Variants in MGAT4A observed in about 807,000 individuals in gnomAD.
MGAT4A encodes alpha-1,3-mannosyl-glycoprotein 4-beta-N-acetylglucosaminyltransferase A.
A neutral mutation model predicts 74.1 loss-of-function variants in MGAT4A; 33 were observed. The ratio of observed to expected loss-of-function variants is 0.45; its 90% confidence interval spans 0.34 to 0.60. The LOEUF (loss-of-function observed/expected upper bound fraction) is 0.60, where lower values mean the gene tolerates loss of function less well. MGAT4A is among the 20% of genes least tolerant of loss of function. The probability of loss-of-function intolerance (pLI) is 0.02; values close to 1 mark genes in which losing one functional copy is unlikely to be tolerated. For missense variants in MGAT4A, 479 were observed against 628.3 expected (o/e 0.76, Z 2.54); for synonymous variants, 198 against 210.4 (o/e 0.94, Z 0.51).
At position 98,642,631 on chromosome 2, in the gene MGAT4A, G is replaced by A. The variant is rs377361761; in HGVS notation, c.1020+1292C>T. Among the ~76,000 whole-genome samples, 96 of 152,304 alleles carry A rather than the reference G, an allele frequency of 6.3e-4. 2 individuals carry two copies. Among genetic ancestry groups the A allele is most frequent in the African/African-American group, 1.9e-3 (78 of 41,578 alleles). On this transcript the variant is annotated intron_variant, in intron 10 of 15. Coordinates refer to ENST00000393487, the MANE Select transcript of MGAT4A (RefSeq NM_012214.3). The stretch of plus-strand genomic sequence containing the variant: ...ATTGCACAGGACGAATGGAATGCAA[G>A]TGTATTGTAGGAGGTTAAAGATGAC...
chr2:98,625,769 C>T lies in MGAT4A; in HGVS notation c.1535G>A (p.Arg512Gln), dbSNP rs146487281. ...DPSLNPISAFRLSVIQNSAVW... is the reference protein window; with the variant it reads ...DPSLNPISAFQLSVIQNSAVW... Reference sequence around the variant, plus strand: ...AGCAGAATTCTGAATAACTGAAAGTCGAAAGGCTGAAATGGGATTGAGACT... The same window carrying T: ...AGCAGAATTCTGAATAACTGAAAGTTGAAAGGCTGAAATGGGATTGAGACT... Residue 512 changes from arginine (R) to glutamine (Q), a missense_variant, in exon 15 of 16, where the codon CGA becomes CAA. Coordinates refer to ENST00000393487, the MANE Select transcript of MGAT4A (RefSeq NM_012214.3). 72 of 1,611,734 alleles carry T rather than the reference C, an allele frequency of 4.5e-5. No individual in the cohort carries two copies. The highest frequency in any genetic ancestry group is 5.9e-5 in the Non-Finnish European group (69 of 1,178,452).
At chr2:98,672,465 A>G (rs1189762612) in intron 4 of MGAT4A, among the ~76,000 whole-genome samples, 1 of 152,190 alleles carries the variant, frequency 6.6e-6, no homozygotes, top group African/African-American at 2.4e-5. Flanking sequence ...TCTACGAAGC[A>G]GTTGTGCCGT....
intron 14 of MGAT4A, 25 bp from the exon 15 acceptor site, chr2:98,625,860 T>C (rs752910035): frequency 3.3e-6 from 5 of 1,519,290 alleles, no homozygotes; most frequent in Middle Eastern, 1.7e-4. Flanking sequence ...TCAATACTTG[T>C]TGGATACACC....
At chr2:98,694,184 A>T (rs1214569936) in intron 2 of MGAT4A, 1 of 153,216 alleles carries the variant, frequency 6.5e-6, no homozygotes, top group Admixed American at 6.5e-5. Context: ...CAAGTGGGGC[A>T]CCCAGCTGTC....
At chr2:98,665,656 A>G (rs557437868) in intron 4 of MGAT4A, among the ~76,000 whole-genome samples, 1 of 152,378 alleles carries the variant, frequency 6.6e-6, no homozygotes, top group African/African-American at 2.4e-5. Flanking sequence ...CATGGAACGC[A>G]CATTCTAGAA....
intron 2 of MGAT4A, among the ~76,000 whole-genome samples, chr2:98,721,753 G>A (rs1484514015): frequency 6.6e-6 from 1 of 151,830 alleles, no homozygotes; most frequent in Non-Finnish European, 1.5e-5. Context: ...CTCAAAAGTA[G>A]TGAAAAAGTC....
chr2:98,687,583 C>A (rs756168642), intron 2 of MGAT4A, among the ~76,000 whole-genome samples: 4 of 152,096 alleles, frequency 2.6e-5, no homozygotes, highest in Non-Finnish European at 4.4e-5. Context: ...AAGTCCTTTT[C>A]AAATTCTTCT....
intron 2 of MGAT4A, among the ~76,000 whole-genome samples, chr2:98,680,803 TAAAC>T (rs1702048205): frequency 6.6e-6 from 1 of 152,162 alleles, no homozygotes; most frequent in Non-Finnish European, 1.5e-5. Flanking sequence ...ACAATTCTAT[TAAAC>T]AATTATAAGA....
intron 2 of MGAT4A, among the ~76,000 whole-genome samples, chr2:98,708,139 T>TC (rs1398862019): frequency 2.1e-5 from 3 of 139,784 alleles, no homozygotes; most frequent in African/African-American, 8.2e-5. Context: ...GTGAGCTCAG[T>TC]TTTTTTTTTT....
At chr2:98,635,777 G>C (rs549865597) in intron 13 of MGAT4A, among the ~76,000 whole-genome samples, 1 of 151,836 alleles carries the variant, frequency 6.6e-6, no homozygotes, top group South Asian at 2.1e-4. Flanking sequence ...TGGATCACGA[G>C]GTCAGGAGAT....
chr2:98,692,267 T>C (rs1178024334), intron 2 of MGAT4A, among the ~76,000 whole-genome samples: 1 of 151,992 alleles, frequency 6.6e-6, no homozygotes, highest in Non-Finnish European at 1.5e-5. Flanking sequence ...CTAATTTTTG[T>C]GGTTTTTTTC....
chr2:98,629,040 G>T (rs560241668), intron 14 of MGAT4A, among the ~76,000 whole-genome samples: 1 of 152,178 alleles, frequency 6.6e-6, no homozygotes, highest in East Asian at 1.9e-4. Flanking sequence ...TTTTCACATA[G>T]CACAATGTAT....
At chr2:98,724,384 C>A (rs922434372) in intron 2 of MGAT4A, among the ~76,000 whole-genome samples, 2 of 152,196 alleles carry the variant, frequency 1.3e-5, no homozygotes, top group African/African-American at 4.8e-5. Context: ...AATCCAAATG[C>A]CCAACAGTTT....
chr2:98,703,410 C>T (rs2104316589), intron 2 of MGAT4A, among the ~76,000 whole-genome samples: 1 of 151,878 alleles, frequency 6.6e-6, no homozygotes, highest in South Asian at 2.1e-4. Flanking sequence ...AACAGAGAGG[C>T]CCCAGAGTAT....
chr2:98,669,952 C>A (rs979149260), intron 4 of MGAT4A, among the ~76,000 whole-genome samples: 1 of 152,164 alleles, frequency 6.6e-6, no homozygotes, highest in Non-Finnish European at 1.5e-5. Flanking sequence ...TGGATCCCTG[C>A]ATGACTGGTC....
At chr2:98,647,743 T>C (rs1358097456) in intron 8 of MGAT4A, among the ~76,000 whole-genome samples, 1 of 152,252 alleles carries the variant, frequency 6.6e-6, no homozygotes, top group African/African-American at 2.4e-5. Context: ...AATAAAGCAC[T>C]TTATGAAACC....
At chr2:98,710,436 T>C (rs973018803) in intron 2 of MGAT4A, among the ~76,000 whole-genome samples, 1 of 152,154 alleles carries the variant, frequency 6.6e-6, no homozygotes, top group Non-Finnish European at 1.5e-5. Context: ...ACAAGGAATA[T>C]GATTAATTTT....
At position 98,619,335 on chromosome 2, in the gene MGAT4A, A is replaced by C. The variant is rs1701010658; in HGVS notation, c.*6231T>G. Reference sequence around the variant, plus strand: ...ATATTACTACGGATAGGAATCATTCAGCCAATGAAGACATTTTAAGGAAAA... The same window carrying C: ...ATATTACTACGGATAGGAATCATTCCGCCAATGAAGACATTTTAAGGAAAA... On this transcript the variant is annotated 3_prime_UTR_variant, in exon 16 of 16. Transcript: ENST00000393487. 1 of 152,598 alleles carries C rather than the reference A, an allele frequency of 6.6e-6. No homozygotes were observed. Among genetic ancestry groups the C allele is most frequent in the Admixed American group, 6.5e-5 (1 of 15,280 alleles). The allele number at this position is 152,598 out of a possible 1,614,324, so 9.5% of individuals were successfully genotyped here.
chr2:98,658,116 ACAGAGAAATG>A lies in MGAT4A; in HGVS notation c.584+92_584+101del, dbSNP rs1003747593. On this transcript the variant is annotated intron_variant, in intron 6 of 15. Coordinates refer to ENST00000393487, the MANE Select transcript of MGAT4A (RefSeq NM_012214.3). ...GGTGATCTAATAAACAATGAACTCCACAGAGAAATGAACTATCAAGGAAGGCATTTTCTTT... is the reference window on the plus strand; with the variant it reads ...GGTGATCTAATAAACAATGAACTCCAAACTATCAAGGAAGGCATTTTCTTT... The A allele has an allele frequency of 6.7e-6, 5 of 749,304 alleles. No individual in the cohort carries two copies. In the African/African-American group the frequency reaches 9.1e-5, roughly 14 times the overall value. 46.4% of individuals were successfully genotyped at this position (749,304 alleles called of 1,614,324 possible).
Sources: gnomAD v4.1 joint callset for allele counts (sites outside exome capture counted in the v4.1 genomes callset) on GRCh38, gnomAD v4.1.1 for gene constraint, MANE v1.5 for transcripts, NCBI Gene and HGNC (gene_info 2026-07-23, HGNC 2026-07-21) for gene names.